ADGRB3: variants seen among roughly 807,000 people sequenced by gnomAD.
The protein encoded by ADGRB3 is brain-specific angiogenesis inhibitor 3.
Under a neutral mutation model 193.4 loss-of-function variants are expected in ADGRB3, and 37 were observed. That is an observed-to-expected ratio of 0.19 (90% CI 0.15 to 0.25). The LOEUF (loss-of-function observed/expected upper bound fraction) is 0.25. Among genes scored for constraint, ADGRB3 ranks in the 10% least tolerant of loss-of-function variants. ADGRB3 has a pLI of 1.00. For missense variants in ADGRB3, 1,637 were observed against 1,852.9 expected (o/e 0.88, Z 2.14); for synonymous variants, 690 against 644.2 (o/e 1.07, Z -1.08).
At chr6:68,837,790 A>G (rs1037213319) in intron 3 of ADGRB3, among the ~76,000 whole-genome samples, 11 of 152,186 alleles carry the variant, frequency 7.2e-5, no homozygotes, top group East Asian at 1.9e-4. Flanking sequence ...GAGTGGATTT[A>G]TCGTTTGAGC....
chr6:68,663,822 T>A (rs1033316733), intron 3 of ADGRB3, among the ~76,000 whole-genome samples: 1 of 151,850 alleles, frequency 6.6e-6, no homozygotes, highest in Non-Finnish European at 1.5e-5. Flanking sequence ...ACTTCGTTAT[T>A]AAATATGTGA....
intron 20 of ADGRB3, among the ~76,000 whole-genome samples, chr6:69,276,602 C>A (rs968776736): frequency 6.6e-6 from 1 of 151,780 alleles, no homozygotes; most frequent in Non-Finnish European, 1.5e-5. Flanking sequence ...ACCTTTTTTT[C>A]CCCCGGGCTC....
intron 3 of ADGRB3, among the ~76,000 whole-genome samples, chr6:68,812,242 G>A (rs903372419): frequency 6.6e-6 from 1 of 152,134 alleles, no homozygotes. Context: ...GGCTAAGATA[G>A]TTTGAAATTT....
intron 3 of ADGRB3, among the ~76,000 whole-genome samples, chr6:68,855,629 TA>T (rs1764960972): frequency 6.6e-6 from 1 of 152,132 alleles, no homozygotes; most frequent in South Asian, 2.1e-4. Flanking sequence ...GTTAGATGAT[TA>T]AAAAACTTTA....
At chr6:68,946,947 T>C (rs1316697418) in intron 6 of ADGRB3, among the ~76,000 whole-genome samples, 1 of 152,156 alleles carries the variant, frequency 6.6e-6, no homozygotes, top group Non-Finnish European at 1.5e-5. Context: ...GATTCCTTGC[T>C]GAGTCAATGC....
chr6:68,688,779 C>G (rs1765023552), intron 3 of ADGRB3, among the ~76,000 whole-genome samples: 1 of 152,160 alleles, frequency 6.6e-6, no homozygotes, highest in Non-Finnish European at 1.5e-5. Flanking sequence ...AAATGAACCT[C>G]TTGTTTCTGA....
intron 17 of ADGRB3, chr6:69,232,551 A>G (rs1282729136): frequency 4.6e-6 from 7 of 1,535,732 alleles, no homozygotes; most frequent in Admixed American, 2.0e-5. Flanking sequence ...CCCCAGGGCA[A>G]AGAAGCAGTT....
chr6:69,170,690 G>A (rs1425461343), intron 17 of ADGRB3, among the ~76,000 whole-genome samples: 2 of 152,188 alleles, frequency 1.3e-5, no homozygotes, highest in African/African-American at 2.4e-5. Flanking sequence ...AGGTAAAGTC[G>A]TATGGTATTG....
At chr6:68,855,218 C>A (rs1764945030) in intron 3 of ADGRB3, among the ~76,000 whole-genome samples, 1 of 152,118 alleles carries the variant, frequency 6.6e-6, no homozygotes, top group Non-Finnish European at 1.5e-5. Context: ...ATATCTACAG[C>A]AATGGTGATT....
At chr6:68,685,533 T>G (rs1764966956) in intron 3 of ADGRB3, among the ~76,000 whole-genome samples, 1 of 151,988 alleles carries the variant, frequency 6.6e-6, no homozygotes, top group South Asian at 2.1e-4. Flanking sequence ...TGTGTTATTG[T>G]GCTGACTCAA....
intron 20 of ADGRB3, among the ~76,000 whole-genome samples, chr6:69,304,890 A>T (rs1164362246): frequency 6.6e-6 from 1 of 151,532 alleles, no homozygotes; most frequent in South Asian, 2.1e-4. Flanking sequence ...CTGGTCTCCA[A>T]ATCTGTGGTG....
chr6:68,732,893 A>C (rs1047168769), intron 3 of ADGRB3, among the ~76,000 whole-genome samples: 5 of 151,962 alleles, frequency 3.3e-5, no homozygotes, highest in African/African-American at 1.2e-4. Context: ...GGCTTGTTAA[A>C]GGTCCCTGGA....
intron 5 of ADGRB3, among the ~76,000 whole-genome samples, chr6:68,937,365 C>G (rs1767512310): frequency 6.6e-6 from 1 of 152,116 alleles, no homozygotes; most frequent in South Asian, 2.1e-4. Flanking sequence ...GACATTTCTC[C>G]CTCCCAGACT....
intron 17 of ADGRB3, among the ~76,000 whole-genome samples, chr6:69,115,529 G>A (rs1456617170): frequency 1.3e-5 from 2 of 152,014 alleles, no homozygotes; most frequent in Non-Finnish European, 1.5e-5. Context: ...AAACCACCAC[G>A]GCACGTGTAT....
intron 16 of ADGRB3, among the ~76,000 whole-genome samples, chr6:69,063,594 G>A (rs1293064521): frequency 6.6e-6 from 1 of 151,964 alleles, no homozygotes; most frequent in East Asian, 1.9e-4. Context: ...TCAGAGGAAG[G>A]GGGTGCTGGG....
chr6:68,927,639 A>G (rs1032140084), intron 3 of ADGRB3, among the ~76,000 whole-genome samples: 2 of 152,148 alleles, frequency 1.3e-5, no homozygotes, highest in Non-Finnish European at 2.9e-5. Context: ...ACTTTGGCAG[A>G]AGAAACACAC....
intron 30 of ADGRB3, among the ~76,000 whole-genome samples, chr6:69,374,991 T>C (rs1769783997): frequency 6.6e-6 from 1 of 152,002 alleles, no homozygotes; most frequent in Admixed American, 6.6e-5. Flanking sequence ...AGGTAGAAAT[T>C]CCAGGAATAG....
chr6:68,652,392 G>T (rs546936995), intron 3 of ADGRB3, among the ~76,000 whole-genome samples: 1 of 152,140 alleles, frequency 6.6e-6, no homozygotes, highest in South Asian at 2.1e-4. Flanking sequence ...CTTGCTCCTG[G>T]AACATAAACA....
intron 5 of ADGRB3, among the ~76,000 whole-genome samples, chr6:68,939,712 C>T (rs184675171): frequency 3.6e-4 from 55 of 152,174 alleles, no homozygotes; most frequent in African/African-American, 1.3e-3. Flanking sequence ...TATGTACTTA[C>T]TTTGCAATCT....
Sources: gnomAD v4.1 joint callset for allele counts (sites outside exome capture counted in the v4.1 genomes callset) on GRCh38, gnomAD v4.1.1 for gene constraint, MANE v1.5 for transcripts, NCBI Gene and HGNC (gene_info 2026-07-23, HGNC 2026-07-21) for gene names.